Variants in LTBP4 observed in about 807,000 individuals in gnomAD.
LTBP4 encodes the protein latent-transforming growth factor beta-binding protein 4.
A neutral mutation model predicts 180.2 loss-of-function variants in LTBP4; 93 were observed. The ratio of observed to expected loss-of-function variants is 0.52; its 90% CI spans 0.44 to 0.61. The LOEUF is 0.61. Among genes scored for constraint, LTBP4 ranks in the 20% least tolerant of loss-of-function variants. The pLI is 0.00. For synonymous variants in LTBP4, 947 were observed against 934.5 expected, an observed-to-expected ratio of 1.01 and a Z score of -0.24; for missense variants, 2,116 against 2,256.5, an observed-to-expected ratio of 0.94 and a Z score of 1.26.
intron 26 of LTBP4, among the ~76,000 whole-genome samples, chr19:40,625,131 C>T (rs2081614717): frequency 6.7e-6 from 1 of 149,320 alleles, no homozygotes; most frequent in South Asian, 2.1e-4. Flanking sequence ...AGCTGAAGTA[C>T]AGTGGCACAA....
chr19:40,615,725 C>T (rs1284807872), intron 19 of LTBP4, among the ~76,000 whole-genome samples: 2 of 152,138 alleles, frequency 1.3e-5, no homozygotes, highest in Non-Finnish European at 2.9e-5. Context: ...CGCCACTGCA[C>T]TGCAGCCTCG....
intron 19 of LTBP4, among the ~76,000 whole-genome samples, chr19:40,615,932 A>G (rs1463107257): frequency 6.6e-5 from 10 of 152,178 alleles, no homozygotes. Context: ...TTTAGGAAGG[A>G]AAACAAAGCA....
In LTBP4 at chr19:40,617,226, G is replaced by C. The variant is rs772386152; in HGVS notation, c.3070+1G>C. 3.1e-6 allele frequency: 5 copies of C among 1,612,008 alleles called. No homozygotes were observed. The South Asian group carries it at 5.5e-5, about 18-fold the overall frequency. Reference sequence around the variant, plus strand: ...GCACGGGATGGGCGTCACTGCGTGGGTACGGGACTTCAGGAGGTGGATGGG... The same window carrying C: ...GCACGGGATGGGCGTCACTGCGTGGCTACGGGACTTCAGGAGGTGGATGGG... On this transcript the variant is annotated splice_donor_variant, in intron 21 of 29. Coordinates refer to ENST00000396819, the MANE Select transcript of LTBP4 (RefSeq NM_001042545.2). LOFTEE classifies it high-confidence loss of function.
chr19:40,613,294 G>C lies in LTBP4; in HGVS notation c.2431+98G>C. The C allele has an allele frequency of 1.3e-6, 2 of 1,544,806 alleles. No individual in the cohort carries two copies. The highest frequency in any genetic ancestry group is 1.8e-6 in the Non-Finnish European group (2 of 1,142,500). On this transcript the variant is annotated intron_variant, in intron 16 of 29. Coordinates refer to ENST00000396819, the MANE Select transcript of LTBP4 (RefSeq NM_001042545.2). This position sits in a 1 kb window ranked among gnomAD's most constrained non-coding sequence, Gnocchi z 5.0. ...GTGGAGGCGGGACCAAGGCGCTGTGGGAGGAGCTTAGAAACCTGGCATTGG... is the reference window on the plus strand; with the variant it reads ...GTGGAGGCGGGACCAAGGCGCTGTGCGAGGAGCTTAGAAACCTGGCATTGG...
rs752244730 is a variant in LTBP4, at chr19:40,605,256, G to A, written c.442+30G>A. 1 of 1,565,938 alleles carries A rather than the reference G, an allele frequency of 6.4e-7. No individual in the cohort carries two copies. Among genetic ancestry groups the A allele is most frequent in the Middle Eastern group, 1.7e-4 (1 of 5,970 alleles). On this transcript the variant is annotated intron_variant, in intron 2 of 29. Coordinates refer to ENST00000396819, the MANE Select transcript of LTBP4 (RefSeq NM_001042545.2). This position sits in a 1 kb window ranked among gnomAD's most constrained non-coding sequence, Gnocchi z 5.5. ...GGAAAGGGTGGCCAGAGTCCCCTCC[G>A]ACCCCTGTCAAGCATTTCACTTTGC...
In LTBP4 at chr19:40,609,038, G is replaced by A. The variant is rs933907123; in HGVS notation, c.1426+435G>A. On this transcript the variant is annotated intron_variant, in intron 9 of 29. Coordinates refer to ENST00000396819, the MANE Select transcript of LTBP4 (RefSeq NM_001042545.2). This position sits in a 1 kb window ranked among gnomAD's most constrained non-coding sequence, Gnocchi z 4.9. ...TATGGGCAGAGATAAGCGTTTGAAG[G>A]GTTGGGTGGTAGTTAGATCAGGAGC... 2 of 185,672 alleles carry A rather than the reference G, an allele frequency of 1.1e-5. No homozygotes were observed. Among genetic ancestry groups the A allele is most frequent in the African/African-American group, 4.8e-5 (2 of 41,924 alleles). 11.5% of individuals were successfully genotyped at this position (185,672 alleles called of 1,614,324 possible).
chr19:40,623,411 G>C (rs2081601107), intron 24 of LTBP4, among the ~76,000 whole-genome samples, 193 bp from the exon 25 acceptor site: 1 of 152,054 alleles, frequency 6.6e-6, no homozygotes, highest in Admixed American at 6.6e-5. Context: ...CTGACCTCAA[G>C]TGATCCGCCC....
rs2081637900 is a variant in LTBP4 at position 40,626,967 on chromosome 19, GT to G, written c.3986-6del. 1 of 1,537,066 alleles carries G rather than the reference GT, an allele frequency of 6.5e-7. No homozygotes were observed. Among genetic ancestry groups the G allele is most frequent in the Admixed American group, 1.9e-5 (1 of 51,686 alleles). ...GGGCTGATTGTTTGCCTTGGCTCCTGTTCCCAGATGACTTCGAGGCCCTGTG... is the reference window on the plus strand; with the variant it reads ...GGGCTGATTGTTTGCCTTGGCTCCTGTCCCAGATGACTTCGAGGCCCTGTG... On this transcript the variant is annotated splice_polypyrimidine_tract_variant and splice_region_variant and intron_variant, in intron 27 of 29. Coordinates refer to ENST00000396819, the MANE Select transcript of LTBP4 (RefSeq NM_001042545.2).
In LTBP4 at chr19:40,629,283, G is replaced by T; in HGVS notation, c.4520-113G>T. 2 of 1,400,438 alleles carry T rather than the reference G, an allele frequency of 1.4e-6. No homozygotes were observed. Among genetic ancestry groups the T allele is most frequent in the South Asian group, 1.2e-5 (1 of 85,584 alleles). 86.8% of individuals were successfully genotyped at this position (1,400,438 alleles called of 1,614,324 possible). A position where few individuals can be genotyped will look rare whatever the true frequency, so the allele number is the denominator to read the frequency against. ...GTTAGCAGATGGCAGAGGCCAGATTGGACTCCAAACTGCTCAGCATCTGTG... is the reference window on the plus strand; with the variant it reads ...GTTAGCAGATGGCAGAGGCCAGATTTGACTCCAAACTGCTCAGCATCTGTG... On this transcript the variant is annotated intron_variant, in intron 29 of 29. Transcript: ENST00000396819. The surrounding 1 kb of genome is among the most constrained non-coding windows in gnomAD (Gnocchi z 4.5).
intron 29 of LTBP4, 56 bp downstream of exon 29, chr19:40,627,913 G>A: frequency 2.6e-6 from 4 of 1,519,838 alleles, no homozygotes; most frequent in Non-Finnish European, 3.5e-6. Context: ...TGTCCAGGGA[G>A]GGTGGAAGCC....
chr19:40,621,098 C>G (rs1344196466), intron 22 of LTBP4, among the ~76,000 whole-genome samples: 1 of 152,100 alleles, frequency 6.6e-6, no homozygotes, highest in Admixed American at 6.6e-5. Context: ...TCCGCCACCA[C>G]GCCCAGCTAA....
rs376923679 is a variant in LTBP4 at position 40,623,976 on chromosome 19, C to A, written c.3726C>A (p.Gly1242=). The change falls in exon 26 of 30, where the codon GGC becomes GGA. Residue 1242 remains glycine (G), a synonymous_variant. Coordinates refer to ENST00000396819, the MANE Select transcript of LTBP4 (RefSeq NM_001042545.2). ...ECADEEPACE[G]GRCVNTVGSY... is the part of the protein sequence containing the mutation. ...CCGATGAGGAACCGGCCTGTGAGGG[C>A]GGCCGCTGTGTCAACACTGTGGGCT... 1 of 1,613,850 alleles carries A rather than the reference C, an allele frequency of 6.2e-7. No homozygotes were observed.
In LTBP4 at chr19:40,623,606, G is replaced by A. The variant is rs187093021; in HGVS notation, c.3559G>A (p.Val1187Met). The A allele has an allele frequency of 1.1e-4, 174 of 1,612,950 alleles. No individual in the cohort carries two copies. The East Asian group carries it at 3.2e-3, about 30-fold the overall frequency. Residue 1187 changes from valine (V) to methionine (M), a missense_variant and splice_region_variant, in exon 25 of 30, where the codon GTG becomes ATG. Physicochemically the swap from Val to Met is conservative, Grantham distance 21. Around this residue, in one of 5 missense-constraint regions of LTBP4, gnomAD observed 278 missense variants for 373.0 expected, o/e 0.75. Coordinates refer to ENST00000396819, the MANE Select transcript of LTBP4 (RefSeq NM_001042545.2). ...PSGDLSLRRDVDECQLFRDQV... is the reference protein window; with the variant it reads ...PSGDLSLRRDMDECQLFRDQV... ...CTCTCTCTCTGCTTTTCGCACAGAC[G>A]TGGACGAATGTCAGCTCTTCCGAGA...
chr19:40,611,136 C>A lies in LTBP4; in HGVS notation c.1811-16C>A, dbSNP rs748391843. ...CAGAGGGGAACAAGTGACCCCGGGC[C>A]CCCTGCCCTGTGCAGATGTGGATGA... On this transcript the variant is annotated splice_polypyrimidine_tract_variant and intron_variant, in intron 12 of 29. Coordinates refer to ENST00000396819, the MANE Select transcript of LTBP4 (RefSeq NM_001042545.2). This position sits in a 1 kb window ranked among gnomAD's most constrained non-coding sequence, Gnocchi z 4.4. 1 of 1,613,376 alleles carries A rather than the reference C, an allele frequency of 6.2e-7. No homozygotes were observed. Among genetic ancestry groups the A allele is most frequent in the Non-Finnish European group, 8.5e-7 (1 of 1,179,410 alleles).
chr19:40,615,351 C>A (rs991509793), intron 19 of LTBP4: 2 of 152,208 alleles, frequency 1.3e-5, no homozygotes, highest in Non-Finnish European at 2.9e-5. Context: ...TCACTAAGCA[C>A]CTACTCTATG....
chr19:40,625,316 A>ATTTTTTTTTT (rs1162232222), intron 26 of LTBP4, among the ~76,000 whole-genome samples: 1 of 21,938 alleles, frequency 4.6e-5, no homozygotes, highest in Non-Finnish European at 7.9e-5. Flanking sequence ...ATATATATAT[A>ATTTTTTTTTT]TTTTTTTTTT....
chr19:40,607,159 C>T (rs977780078), intron 6 of LTBP4, among the ~76,000 whole-genome samples: 2 of 152,236 alleles, frequency 1.3e-5, no homozygotes, highest in African/African-American at 4.8e-5. Context: ...TCATTCACCA[C>T]TGACACCCCA....
Position 40,622,740 on chromosome 19 carries a change from CAG to C in LTBP4, c.3484+74_3484+75del, listed in dbSNP as rs2081595368. On this transcript the variant is annotated intron_variant, in intron 23 of 29. Transcript: ENST00000396819. This position sits in a 1 kb window ranked among gnomAD's most constrained non-coding sequence, Gnocchi z 5.1. ...TACTGGGTGGGGTGTGGGCCTGGGA[CAG>C]GGGACACTTTTGGACAGGGCCTTGA... 2 of 1,509,934 alleles carry C rather than the reference CAG, an allele frequency of 1.3e-6. No homozygotes were observed. The highest frequency in any genetic ancestry group is 1.4e-5 in the African/African-American group (1 of 73,346). The allele number at this position is 1,509,934 out of a possible 1,614,324, so 93.5% of individuals were successfully genotyped here.
chr19:40,604,799 CTACTG>C (rs2081446789), intron 1 of LTBP4, among the ~76,000 whole-genome samples: 1 of 152,180 alleles, frequency 6.6e-6, no homozygotes, highest in Non-Finnish European at 1.5e-5. Flanking sequence ...CATAATCACG[CTACTG>C]CATTCCAGCC....
Sources: gnomAD v4.1 joint callset for allele counts (sites outside exome capture counted in the v4.1 genomes callset) on GRCh38, gnomAD v4.1.1 for gene constraint, gnomAD v4.1.1 regional missense constraint, Gnocchi (gnomAD v3.1) non-coding constraint, MANE v1.5 for transcripts, NCBI Gene and HGNC (gene_info 2026-07-23, HGNC 2026-07-21) for gene names.